Variants in CACNB2 observed in about 807,000 individuals in gnomAD.
CACNB2 encodes the protein voltage-dependent L-type calcium channel subunit beta-2.
A neutral mutation model predicts 73.3 loss-of-function variants in CACNB2; 42 were observed. The observed-to-expected ratio is 0.57, with a 90% CI of 0.45 to 0.74. The LOEUF is 0.74. Among genes scored for constraint, CACNB2 ranks in the 30% least tolerant of loss-of-function variants. The pLI is 0.00. For missense variants in CACNB2, 940 were observed against 853.0 expected, an observed-to-expected ratio of 1.10 and a Z score of -1.27; for synonymous variants, 348 against 310.3, an observed-to-expected ratio of 1.12 and a Z score of -1.28.
intron 11 of CACNB2, among the ~76,000 whole-genome samples, 182 bp downstream of exon 11, chr10:18,534,409 GTGTGGTCCA>G (rs1258376575): frequency 4.9e-4 from 75 of 152,316 alleles, no homozygotes; most frequent in African/African-American, 1.7e-3. Context: ...TGTTCTCAAA[GTGTGGTCCA>G]TGGATCCCTG....
intron 2 of CACNB2, among the ~76,000 whole-genome samples, chr10:18,326,918 G>GT (rs894876342): frequency 1.2e-4 from 19 of 152,106 alleles, no homozygotes; most frequent in Admixed American, 7.9e-4. Flanking sequence ...GTAGAGACGG[G>GT]TTTTTTTGCC....
chr10:18,483,392 A>G (rs961969691), intron 3 of CACNB2, among the ~76,000 whole-genome samples: 2 of 151,934 alleles, frequency 1.3e-5, no homozygotes, highest in South Asian at 2.1e-4. Context: ...TTAGCTGGGC[A>G]TGGTGGCGGG....
chr10:18,220,243 A>AGGGGGGGG (rs1374853215), intron 2 of CACNB2, among the ~76,000 whole-genome samples: 1 of 89,340 alleles, frequency 1.1e-5, no homozygotes, highest in African/African-American at 5.9e-5. Context: ...AGAGAGAGAG[A>AGGGGGGGG]GAGAGAGAGA....
intron 11 of CACNB2, among the ~76,000 whole-genome samples, chr10:18,534,605 C>G (rs941047532): frequency 5.9e-5 from 9 of 152,346 alleles, no homozygotes; most frequent in African/African-American, 2.2e-4. Context: ...AAAGTACCAG[C>G]AGTTACTGTA....
intron 3 of CACNB2, among the ~76,000 whole-genome samples, chr10:18,452,016 A>G (rs559786127): frequency 6.6e-6 from 1 of 152,274 alleles, no homozygotes; most frequent in South Asian, 2.1e-4. Flanking sequence ...CCCCTTGCAC[A>G]CTCATATACC....
chr10:18,291,337 G>C lies in CACNB2; in HGVS notation c.214-110587G>C, dbSNP rs1168643153. ...GGTAGCTACCAAGCTTCTTATTAAA[G>C]CTTGGAGAGTAATTGGGAATTGCAA... On this transcript the variant is annotated intron_variant, in intron 2 of 13. Coordinates refer to ENST00000324631, the MANE Select transcript of CACNB2 (RefSeq NM_201596.3). Among the ~76,000 whole-genome samples the C allele has an allele frequency of 2.0e-5, 3 of 152,180 alleles. 1 individual carries two copies. Among genetic ancestry groups the C allele is most frequent in the South Asian group, 4.1e-4 (2 of 4,824 alleles).
intron 2 of CACNB2, among the ~76,000 whole-genome samples, chr10:18,398,294 G>C (rs915720620): frequency 6.6e-6 from 1 of 152,214 alleles, no homozygotes; most frequent in African/African-American, 2.4e-5. Context: ...AACTGTGGCT[G>C]TCTTTGGATG....
intron 2 of CACNB2, among the ~76,000 whole-genome samples, chr10:18,263,923 T>G (rs988183062): frequency 6.6e-6 from 1 of 152,260 alleles, no homozygotes; most frequent in African/African-American, 2.4e-5. Flanking sequence ...TTCATTCTTT[T>G]GTTTACTCCT....
intron 3 of CACNB2, among the ~76,000 whole-genome samples, chr10:18,470,199 A>G (rs2048108079): frequency 6.6e-6 from 1 of 151,566 alleles, no homozygotes; most frequent in Admixed American, 6.6e-5. Flanking sequence ...AAAGAAATGT[A>G]TTCAGGGCCA....
chr10:18,366,488 C>G (rs1256510933), intron 2 of CACNB2, among the ~76,000 whole-genome samples: 2 of 145,520 alleles, frequency 1.4e-5, no homozygotes, highest in African/African-American at 5.1e-5. Flanking sequence ...AAAAAATTAT[C>G]CTGGCCCAGC....
At chr10:18,209,192 C>G (rs773614658) in intron 2 of CACNB2, among the ~76,000 whole-genome samples, 2 of 152,074 alleles carry the variant, frequency 1.3e-5, no homozygotes, top group African/African-American at 2.4e-5. Flanking sequence ...TACTTTTTAT[C>G]ACAGAAAAAT....
intron 2 of CACNB2, among the ~76,000 whole-genome samples, chr10:18,159,300 T>C (rs2032283921): frequency 6.6e-6 from 1 of 152,208 alleles, no homozygotes; most frequent in Non-Finnish European, 1.5e-5. Context: ...CTGATTTTTT[T>C]CCATAGGTTG....
At chr10:18,490,112 A>G (rs1316844762) in intron 3 of CACNB2, among the ~76,000 whole-genome samples, 1 of 152,144 alleles carries the variant, frequency 6.6e-6, no homozygotes, top group Non-Finnish European at 1.5e-5. Context: ...TCCTCGGCTC[A>G]AGCAATCCAC....
chr10:18,415,859 T>C (rs1355232229), intron 3 of CACNB2, among the ~76,000 whole-genome samples: 1 of 152,238 alleles, frequency 6.6e-6, no homozygotes, highest in African/African-American at 2.4e-5. Context: ...CTTGCAAATC[T>C]GAAACTCTAT....
chr10:18,261,334 G>T (rs765072163), intron 2 of CACNB2: 1 of 1,551,608 alleles, frequency 6.4e-7, no homozygotes, highest in South Asian at 1.2e-5. Flanking sequence ...TTCTATTGCT[G>T]TAGAATTGCA....
intron 2 of CACNB2, among the ~76,000 whole-genome samples, chr10:18,176,185 T>C (rs999014707): frequency 1.2e-4 from 19 of 152,156 alleles, no homozygotes; most frequent in Admixed American, 3.9e-4. Flanking sequence ...ATATTTGGCT[T>C]TGTACAAACA....
intron 2 of CACNB2, among the ~76,000 whole-genome samples, chr10:18,248,195 AAT>A (rs2036942311): frequency 6.6e-6 from 1 of 152,238 alleles, no homozygotes; most frequent in South Asian, 2.1e-4. Context: ...TTTCCAAGCT[AAT>A]TGAGCTGATG....
chr10:18,519,782 T>C (rs1016003141), intron 9 of CACNB2: 2 of 455,548 alleles, frequency 4.4e-6, no homozygotes, highest in Non-Finnish European at 4.4e-6. Context: ...ACCCCAGTTA[T>C]GTTTTCACCC....
At chr10:18,291,716 G>A (rs1414231634) in intron 2 of CACNB2, among the ~76,000 whole-genome samples, 1 of 152,174 alleles carries the variant, frequency 6.6e-6, no homozygotes, top group Non-Finnish European at 1.5e-5. Context: ...AGTACTGTAT[G>A]TTGCCATGCC....
Sources: gnomAD v4.1 joint callset for allele counts (sites outside exome capture counted in the v4.1 genomes callset) on GRCh38, gnomAD v4.1.1 for gene constraint, MANE v1.5 for transcripts, NCBI Gene and HGNC (gene_info 2026-07-23, HGNC 2026-07-21) for gene names.